WWOX: variants seen among roughly 807,000 people sequenced by gnomAD.
WWOX encodes the protein WW domain-containing oxidoreductase.
Under a neutral mutation model 46.2 loss-of-function variants are expected in WWOX, and 69 were observed. The ratio of observed to expected loss-of-function variants is 1.49; its 90% CI spans 1.23 to 1.82. The LOEUF is 1.82. Ranked by LOEUF, WWOX falls within the 40% of genes most tolerant of loss-of-function variation. The pLI, the probability that WWOX is intolerant of heterozygous loss-of-function variation, is 0.00. For missense variants in WWOX, 919 were observed against 542.6 expected (o/e 1.69, Z -6.89); for synonymous variants, 359 against 202.6 (o/e 1.77, Z -6.56).
At chr16:78,362,578 C>T (rs2151914547) in intron 5 of WWOX, among the ~76,000 whole-genome samples, 1 of 152,140 alleles carries the variant, frequency 6.6e-6, no homozygotes, top group East Asian at 1.9e-4. Flanking sequence ...CACTGCACTC[C>T]AGCCTGGGCA....
rs139402117 is a variant in WWOX at position 78,537,166 on chromosome 16, C to T, written c.1056+104414C>T. Among the ~76,000 whole-genome samples the T allele has an allele frequency of 6.6e-3, 997 of 152,212 alleles. 3 individuals carry two copies. Among genetic ancestry groups the T allele is most frequent in the Non-Finnish European group, 9.0e-3 (610 of 68,006 alleles). On this transcript the variant is annotated intron_variant, in intron 8 of 8. Coordinates refer to ENST00000566780, the MANE Select transcript of WWOX (RefSeq NM_016373.4). Reference sequence around the variant, plus strand: ...ACCTGACCTCAGGTGATCTGCCTGCCTCAGCCTCCCAAAGTGCTGGGATTA... The same window carrying T: ...ACCTGACCTCAGGTGATCTGCCTGCTTCAGCCTCCCAAAGTGCTGGGATTA...
intron 8 of WWOX, among the ~76,000 whole-genome samples, chr16:79,055,199 C>A (rs2048239294): frequency 6.6e-6 from 1 of 152,180 alleles, no homozygotes; most frequent in South Asian, 2.1e-4. Context: ...CAGTGATTAC[C>A]AGGACACTTG....
At chr16:78,140,098 C>A (rs1192928650) in intron 4 of WWOX, among the ~76,000 whole-genome samples, 1 of 152,248 alleles carries the variant, frequency 6.6e-6, no homozygotes, top group South Asian at 2.1e-4. Context: ...CATATTGTAG[C>A]CCCAGGTGAG....
At chr16:78,479,485 T>C (rs950209289) in intron 8 of WWOX, among the ~76,000 whole-genome samples, 2 of 152,180 alleles carry the variant, frequency 1.3e-5, no homozygotes, top group African/African-American at 4.8e-5. Flanking sequence ...TAGATGCAAA[T>C]ATGGTAGTAC....
At chr16:79,189,795 T>C (rs2051095319) in intron 8 of WWOX, among the ~76,000 whole-genome samples, 1 of 150,992 alleles carries the variant, frequency 6.6e-6, no homozygotes, top group Non-Finnish European at 1.5e-5. Context: ...CTGCTCCCGG[T>C]GGGAGGGGGG....
At chr16:78,665,659 C>T (rs890051386) in intron 8 of WWOX, among the ~76,000 whole-genome samples, 1 of 152,054 alleles carries the variant, frequency 6.6e-6, no homozygotes, top group African/African-American at 2.4e-5. Flanking sequence ...CCTGAGCTGA[C>T]CCAAGACACA....
chr16:78,757,235 A>T (rs940177962), intron 8 of WWOX, among the ~76,000 whole-genome samples: 1 of 152,246 alleles, frequency 6.6e-6, no homozygotes. Flanking sequence ...TTGTTATACA[A>T]CAGTGGATAA....
chr16:79,132,774 A>G (rs1227634962), intron 8 of WWOX, among the ~76,000 whole-genome samples: 1 of 152,228 alleles, frequency 6.6e-6, no homozygotes, highest in Non-Finnish European at 1.5e-5. Flanking sequence ...TCAGTTTTGA[A>G]TATGCTTGTA....
At chr16:78,424,040 C>G (rs1336424094) in intron 6 of WWOX, among the ~76,000 whole-genome samples, 2 of 151,560 alleles carry the variant, frequency 1.3e-5, no homozygotes, top group East Asian at 3.9e-4. Context: ...TAACAGCTAG[C>G]AAGTGCTGGG....
chr16:79,096,272 C>T (rs906404312), intron 8 of WWOX, among the ~76,000 whole-genome samples: 6 of 152,068 alleles, frequency 3.9e-5, no homozygotes, highest in Admixed American at 3.3e-4. Flanking sequence ...TGTTAGATCA[C>T]CTCTTTCTCC....
chr16:78,644,682 G>A (rs1438835025), intron 8 of WWOX, among the ~76,000 whole-genome samples: 2 of 152,132 alleles, frequency 1.3e-5, no homozygotes, highest in African/African-American at 4.8e-5. Flanking sequence ...AGGCTGGTCT[G>A]GAACTCCTGA....
intron 6 of WWOX, among the ~76,000 whole-genome samples, chr16:78,387,654 T>C (rs115326697): frequency 7.8e-4 from 119 of 152,240 alleles, no homozygotes; most frequent in African/African-American, 2.7e-3. Flanking sequence ...AGGAAAGTGA[T>C]CATGGCAAGC....
At chr16:78,668,183 G>C (rs1235109028) in intron 8 of WWOX, among the ~76,000 whole-genome samples, 2 of 152,152 alleles carry the variant, frequency 1.3e-5, no homozygotes, top group Admixed American at 6.5e-5. Flanking sequence ...GGGAGGCTGG[G>C]ACAGAAGAAC....
At chr16:79,035,633 G>A (rs892492978) in intron 8 of WWOX, among the ~76,000 whole-genome samples, 1 of 152,114 alleles carries the variant, frequency 6.6e-6, no homozygotes, top group Admixed American at 6.6e-5. Flanking sequence ...TCGTCTCCCG[G>A]GTTCAAGTGA....
chr16:79,154,815 A>G (rs980652608), intron 8 of WWOX, among the ~76,000 whole-genome samples: 3 of 152,340 alleles, frequency 2.0e-5, no homozygotes, highest in East Asian at 1.9e-4. Flanking sequence ...AGCATGAACC[A>G]TGAAATTCCT....
intron 8 of WWOX, among the ~76,000 whole-genome samples, chr16:78,473,451 G>A (rs547404373): frequency 1.3e-5 from 2 of 152,140 alleles, no homozygotes; most frequent in Non-Finnish European, 2.9e-5. Flanking sequence ...AGTATGACAA[G>A]GGAAGAGTTA....
intron 8 of WWOX, among the ~76,000 whole-genome samples, chr16:78,475,144 C>G (rs190954263): frequency 1.3e-5 from 2 of 152,178 alleles, no homozygotes; most frequent in Non-Finnish European, 2.9e-5. Flanking sequence ...GCTGTAGGGA[C>G]ATGCAAAACA....
chr16:78,213,160 AG>A (rs1172852166), intron 5 of WWOX, among the ~76,000 whole-genome samples: 1 of 151,062 alleles, frequency 6.6e-6, no homozygotes, highest in Non-Finnish European at 1.5e-5. Flanking sequence ...CTGAGGCACA[AG>A]GATTGCTTGA....
intron 8 of WWOX, among the ~76,000 whole-genome samples, chr16:78,589,433 G>A (rs1394324211): frequency 6.6e-6 from 1 of 152,156 alleles, no homozygotes; most frequent in Admixed American, 6.5e-5. Context: ...GGGGGCTGAT[G>A]CCTTCTTTCA....
Sources: gnomAD v4.1 joint callset for allele counts (sites outside exome capture counted in the v4.1 genomes callset) on GRCh38, gnomAD v4.1.1 for gene constraint, MANE v1.5 for transcripts, NCBI Gene and HGNC (gene_info 2026-07-23, HGNC 2026-07-21) for gene names.